Variants in NPAS3 observed in about 807,000 individuals in gnomAD.
NPAS3 encodes the protein neuronal PAS domain-containing protein 3.
A neutral mutation model predicts 73.1 loss-of-function variants in NPAS3; 14 were observed. The ratio of observed to expected loss-of-function variants is 0.19; its 90% CI spans 0.13 to 0.30. The LOEUF is 0.30. Ranked by LOEUF, NPAS3 falls within the 10% of genes least tolerant of loss-of-function variation. The pLI is 1.00. For missense variants in NPAS3, 1,096 were observed against 1,250.0 expected (o/e 0.88, Z 1.86); for synonymous variants, 620 against 541.5 (o/e 1.14, Z -2.01).
intron 6 of NPAS3, among the ~76,000 whole-genome samples, chr14:33,679,269 A>G (rs568634270): frequency 6.6e-6 from 1 of 152,326 alleles, no homozygotes; most frequent in African/African-American, 2.4e-5. Context: ...GTTATTTTCT[A>G]TCTGGGGCTT....
chr14:33,499,322 C>CT (rs2052397838), intron 4 of NPAS3, among the ~76,000 whole-genome samples: 1 of 151,710 alleles, frequency 6.6e-6, no homozygotes, highest in Admixed American at 6.6e-5. Context: ...CCCTATCTTC[C>CT]TTTTGTGAAT....
intron 2 of NPAS3, among the ~76,000 whole-genome samples, chr14:33,096,818 G>A (rs536342117): frequency 3.3e-5 from 5 of 152,056 alleles, no homozygotes; most frequent in Non-Finnish European, 7.4e-5. Context: ...TCTCCTCAGC[G>A]GCTTCTCTAC....
intron 3 of NPAS3, among the ~76,000 whole-genome samples, chr14:33,282,544 C>G (rs1235026029): frequency 6.6e-6 from 1 of 152,154 alleles, no homozygotes; most frequent in African/African-American, 2.4e-5. Context: ...ATTAGGACAG[C>G]CATGTTTTAA....
At chr14:33,127,955 A>G (rs1293460953) in intron 2 of NPAS3, among the ~76,000 whole-genome samples, 1 of 152,166 alleles carries the variant, frequency 6.6e-6, no homozygotes, top group African/African-American at 2.4e-5. Context: ...TTCCTGGACA[A>G]GGAAATATTT....
upstream of NPAS3, among the ~76,000 whole-genome samples, chr14:32,938,486 T>TGACAGAGAGAGAGAGA (rs1555372900): frequency 0.024 from 1,318 of 55,912 alleles, 182 homozygotes; most frequent in African/African-American, 0.035. Context: ...AGAGAGAAAT[T>TGACAGAGAGAGAGAGA]GAGAGAGAGA....
intron 6 of NPAS3, among the ~76,000 whole-genome samples, chr14:33,706,872 G>C (rs1018463499): frequency 2.6e-5 from 4 of 152,124 alleles, no homozygotes; most frequent in Non-Finnish European, 5.9e-5. Flanking sequence ...TAACCTCAAA[G>C]AAGGAAACAA....
At chr14:33,780,757 C>T (rs1323394089) in intron 9 of NPAS3, 2 of 395,572 alleles carry the variant, frequency 5.1e-6, no homozygotes, top group Non-Finnish European at 9.9e-6. Context: ...ATTTTCCGTA[C>T]CCAGAATAAT....
At chr14:33,786,862 G>C (rs940312485) in intron 9 of NPAS3, among the ~76,000 whole-genome samples, 1 of 152,136 alleles carries the variant, frequency 6.6e-6, no homozygotes, top group African/African-American at 2.4e-5. Flanking sequence ...GACTGATGGA[G>C]ACTAACGTAG....
At chr14:33,560,266 A>G (rs2055577205) in intron 5 of NPAS3, 56 bp downstream of exon 5, 1 of 784,274 alleles carries the variant, frequency 1.3e-6, no homozygotes, top group Non-Finnish European at 2.3e-6. Context: ...CTTCAGCCTC[A>G]TGTTTTTCCT....
intron 2 of NPAS3, among the ~76,000 whole-genome samples, chr14:33,122,834 T>C (rs1390385486): frequency 6.6e-6 from 1 of 152,132 alleles, no homozygotes; most frequent in Non-Finnish European, 1.5e-5. Context: ...CTTAAGGGGC[T>C]ACTTTGAGAA....
Position 33,446,166 on chromosome 14 carries a change from CTTTTTTT to C in NPAS3, c.468+78912_468+78918del, listed in dbSNP as rs71118544. On this transcript the variant is annotated intron_variant, in intron 4 of 11. Transcript: ENST00000356141. ...CTTCTCTAGGGACACTTCATGCTTTCTTTTTTTTTTTTTTTTTTTTGAGACGGAGTCT... is the reference window on the plus strand; with the variant it reads ...CTTCTCTAGGGACACTTCATGCTTTCTTTTTTTTTTTTTGAGACGGAGTCT... Among the ~76,000 whole-genome samples, 13 of 119,992 alleles carry C rather than the reference CTTTTTTT, an allele frequency of 1.1e-4. 1 individual carries two copies. The highest frequency in any genetic ancestry group is 2.9e-4 in the African/African-American group (9 of 31,482). The allele number at this position is 119,992 out of a possible 152,430, so 78.7% of individuals were successfully genotyped here. A position where few individuals can be genotyped will look rare whatever the true frequency, so the allele number is the denominator to read the frequency against.
At chr14:33,783,588 G>C (rs1285240939) in intron 9 of NPAS3, among the ~76,000 whole-genome samples, 1 of 148,010 alleles carries the variant, frequency 6.8e-6, no homozygotes, top group African/African-American at 2.5e-5. Flanking sequence ...TTAGTTTTTT[G>C]GGGGGGTGGT....
Position 33,716,416 on chromosome 14 carries a change from C to T in NPAS3, c.734-18798C>T, listed in dbSNP as rs574817385. The stretch of plus-strand genomic sequence containing the variant: ...TTTTCTTTTCATCTGTTTTTTGTCT[C>T]ATTAGTATGTCATGTTTCATTAGTA... On this transcript the variant is annotated intron_variant, in intron 6 of 11. Transcript: ENST00000356141. Among the ~76,000 whole-genome samples, 5 of 152,112 alleles carry T rather than the reference C, an allele frequency of 3.3e-5. No homozygotes were observed. The South Asian group carries it at 8.3e-4, about 25-fold the overall frequency.
At chr14:33,778,502 C>A (rs1479570669) in exon 9 of NPAS3, 7 of 1,613,606 alleles carry the variant, frequency 4.3e-6, no homozygotes, top group Non-Finnish European at 5.1e-6. Flanking sequence ...CTGTAGATAT[C>A]GTAGGGAAGA....
chr14:33,480,470 G>C (rs1433854341), intron 4 of NPAS3, among the ~76,000 whole-genome samples: 1 of 151,796 alleles, frequency 6.6e-6, no homozygotes, highest in Non-Finnish European at 1.5e-5. Flanking sequence ...GAACTTCCAA[G>C]GCAGTGAATT....
At chr14:33,473,275 T>C (rs1268135867) in intron 4 of NPAS3, among the ~76,000 whole-genome samples, 1 of 152,118 alleles carries the variant, frequency 6.6e-6, no homozygotes, top group Non-Finnish European at 1.5e-5. Context: ...AAGGCCTCAC[T>C]CAGACCTCCT....
chr14:33,178,954 G>C (rs1364196389), intron 2 of NPAS3, among the ~76,000 whole-genome samples: 1 of 152,000 alleles, frequency 6.6e-6, no homozygotes, highest in African/African-American at 2.4e-5. Context: ...CACATTTTTT[G>C]CAAATGTCTT....
chr14:33,256,104 A>G (rs867947141), intron 3 of NPAS3, among the ~76,000 whole-genome samples: 2 of 152,240 alleles, frequency 1.3e-5, no homozygotes, highest in African/African-American at 4.8e-5. Context: ...TCTAAGTAAC[A>G]TACAGCATTT....
chr14:33,197,877 C>T (rs1049304443), intron 2 of NPAS3, among the ~76,000 whole-genome samples: 2 of 152,204 alleles, frequency 1.3e-5, no homozygotes, highest in Admixed American at 6.5e-5. Context: ...AACGAAGCCG[C>T]GGACCCTCGC....
Sources: gnomAD v4.1 joint callset for allele counts (sites outside exome capture counted in the v4.1 genomes callset) on GRCh38, gnomAD v4.1.1 for gene constraint, MANE v1.5 for transcripts, NCBI Gene and HGNC (gene_info 2026-07-23, HGNC 2026-07-21) for gene names.